Variants in ABCD2 observed in about 807,000 individuals in gnomAD.
The protein encoded by ABCD2 is ATP-binding cassette sub-family D member 2.
In ABCD2, 36 loss-of-function variants were observed where a neutral mutation model predicts 70.9. That is an observed-to-expected ratio of 0.51 (90% CI 0.39 to 0.67). The LOEUF (loss-of-function observed/expected upper bound fraction) is 0.67, where lower values mean the gene tolerates loss of function less well. Ranked by LOEUF, ABCD2 falls within the 30% of genes least tolerant of loss-of-function variation. The pLI is 0.00. For missense variants in ABCD2, 729 were observed against 890.2 expected (o/e 0.82, Z 2.30); for synonymous variants, 304 against 306.9 (o/e 0.99, Z 0.10).
At chr12:39,573,918 A>G in intron 8 of ABCD2, 77 bp from the exon 9 acceptor site, 3 of 1,374,902 alleles carry the variant, frequency 2.2e-6, no homozygotes, top group Non-Finnish European at 3.0e-6. Context: ...TATGAGTTGC[A>G]TTGCTAACAA....
rs1218693124 is a variant in ABCD2, at chr12:39,604,756, T to G, written c.1405+6A>C. 3 of 1,576,372 alleles carry G rather than the reference T, an allele frequency of 1.9e-6. No homozygotes were observed. The highest frequency in any genetic ancestry group is 2.6e-6 in the Non-Finnish European group (3 of 1,166,232). Reference sequence around the variant, plus strand: ...AGGAAAATATAAAAGCACTTGAGTTTAATACCTTTAATTGCCAATGTGTCA... The same window carrying G: ...AGGAAAATATAAAAGCACTTGAGTTGAATACCTTTAATTGCCAATGTGTCA... On this transcript the variant is annotated splice_donor_region_variant and intron_variant, in intron 4 of 9. Coordinates refer to ENST00000308666, the MANE Select transcript of ABCD2 (RefSeq NM_005164.4).
chr12:39,573,199 G>C (rs1478400422), intron 9 of ABCD2, among the ~76,000 whole-genome samples: 1 of 151,916 alleles, frequency 6.6e-6, no homozygotes, highest in South Asian at 2.1e-4. Context: ...TATTTGAAGG[G>C]GAAATTCTAT....
At chr12:39,534,206 G>T in the ABCD2 span, among the ~76,000 whole-genome samples, 1 of 152,136 alleles carries the variant, frequency 6.6e-6, no homozygotes, top group African/African-American at 2.4e-5. Context: ...TCATGCCCCT[G>T]CCAGTCCAGT....
chr12:39,590,861 G>T (rs1941735985), intron 6 of ABCD2, among the ~76,000 whole-genome samples: 1 of 151,878 alleles, frequency 6.6e-6, no homozygotes, highest in Non-Finnish European at 1.5e-5. Context: ...AGTGTTAGCT[G>T]TATCTATGTG....
At chr12:39,558,764 C>T (rs559717963) in intron 9 of ABCD2, among the ~76,000 whole-genome samples, 2 of 152,202 alleles carry the variant, frequency 1.3e-5, no homozygotes, top group South Asian at 4.1e-4. Flanking sequence ...ATAAATTATC[C>T]AGTCTCAGGC....
chr12:39,534,450 A>C, the ABCD2 span, among the ~76,000 whole-genome samples: 1 of 152,140 alleles, frequency 6.6e-6, no homozygotes, highest in Admixed American at 6.6e-5. Context: ...CACCAGCTTC[A>C]TAGAGTTTTT....
intron 6 of ABCD2, among the ~76,000 whole-genome samples, chr12:39,595,803 T>A (rs775001231): frequency 7.9e-5 from 12 of 152,362 alleles, no homozygotes; most frequent in South Asian, 4.1e-4. Flanking sequence ...TACCGTCATC[T>A]TTTATTATGC....
At chr12:39,610,751 G>C (rs1942034067) in intron 2 of ABCD2, among the ~76,000 whole-genome samples, 1 of 152,062 alleles carries the variant, frequency 6.6e-6, no homozygotes, top group Non-Finnish European at 1.5e-5. Context: ...CATGTTTTTA[G>C]CAATAAAATA....
At chr12:39,561,457 G>A (rs1225174773) in intron 9 of ABCD2, among the ~76,000 whole-genome samples, 1 of 151,054 alleles carries the variant, frequency 6.6e-6, no homozygotes, top group East Asian at 1.9e-4. Context: ...GCTGCTTACA[G>A]GAGACTCACT....
At chr12:39,613,623 C>T (rs1023866238) in intron 2 of ABCD2, among the ~76,000 whole-genome samples, 1 of 152,124 alleles carries the variant, frequency 6.6e-6, no homozygotes, top group African/African-American at 2.4e-5. Flanking sequence ...AGAATAAGTT[C>T]CAATGTAGCT....
At chr12:39,547,634 G>T (rs944071347), downstream of ABCD2, among the ~76,000 whole-genome samples, 1 of 152,056 alleles carries the variant, frequency 6.6e-6, no homozygotes, top group Non-Finnish European at 1.5e-5. Context: ...AAACAAAGTA[G>T]ACTGGTGGTT....
chr12:39,581,190 T>C (rs1434543720), intron 7 of ABCD2, among the ~76,000 whole-genome samples: 1 of 152,106 alleles, frequency 6.6e-6, no homozygotes, highest in Non-Finnish European at 1.5e-5. Flanking sequence ...GCAACAGGAA[T>C]TGGAAGAATT....
Position 39,599,223 on chromosome 12 carries a change from T to G in ABCD2, c.1646+1348A>C, listed in dbSNP as rs975232289. Among the ~76,000 whole-genome samples, 5 of 152,196 alleles carry G rather than the reference T, an allele frequency of 3.3e-5. No individual in the cohort carries two copies. In the East Asian group the frequency reaches 9.6e-4, roughly 29 times the overall value. ...TCTCTGGAAATGTTTTACATTGTTC[T>G]GGTCAAAGTTATATTCAACAACTGT... On this transcript the variant is annotated intron_variant, in intron 6 of 9. Transcript: ENST00000308666.
intron 9 of ABCD2, among the ~76,000 whole-genome samples, chr12:39,560,815 A>T (rs972846471): frequency 3.3e-5 from 5 of 152,158 alleles, no homozygotes; most frequent in Non-Finnish European, 7.4e-5. Context: ...TGAAGCAAAA[A>T]CATATAATAG....
chr12:39,533,384 G>A, the ABCD2 span, among the ~76,000 whole-genome samples: 1 of 151,968 alleles, frequency 6.6e-6, no homozygotes, highest in Admixed American at 6.6e-5. Context: ...CCTCAAAAGA[G>A]ATTCATTTTT....
intron 2 of ABCD2, among the ~76,000 whole-genome samples, chr12:39,616,464 AG>A (rs2120789653): frequency 6.6e-6 from 1 of 152,236 alleles, no homozygotes; most frequent in South Asian, 2.1e-4. Context: ...ATTATTCACA[AG>A]CAGAGGAGCC....
chr12:39,608,852 C>G (rs2120754676), intron 2 of ABCD2, among the ~76,000 whole-genome samples: 1 of 152,234 alleles, frequency 6.6e-6, no homozygotes, highest in East Asian at 1.9e-4. Flanking sequence ...TTCTCATAAT[C>G]TAGCCTCTGT....
the ABCD2 span, among the ~76,000 whole-genome samples, chr12:39,542,955 G>A: frequency 6.6e-6 from 1 of 152,138 alleles, no homozygotes; most frequent in Non-Finnish European, 1.5e-5. Flanking sequence ...TTGCTGAATG[G>A]TGCTGACAAA....
At chr12:39,564,102 C>T (rs1941304007) in intron 9 of ABCD2, among the ~76,000 whole-genome samples, 1 of 152,118 alleles carries the variant, frequency 6.6e-6, no homozygotes, top group Non-Finnish European at 1.5e-5. Flanking sequence ...GTGCATGTGT[C>T]TTTATAGCAG....
Sources: allele counts gnomAD v4.1 joint callset (sites outside exome capture counted in the v4.1 genomes callset), GRCh38; gene constraint gnomAD v4.1.1; transcripts MANE v1.5; gene names NCBI Gene and HGNC (gene_info 2026-07-23, HGNC 2026-07-21).